The following ZNF37A variants were observed in gnomAD, a reference collection of about 807,000 sequenced individuals.
The protein encoded by ZNF37A is zinc finger protein 37a (KOX 21).
Under a neutral mutation model 12.3 loss-of-function variants are expected in ZNF37A, and 10 were observed. The ratio of observed to expected loss-of-function variants is 0.82; its 90% confidence interval spans 0.50 to 1.38. The LOEUF (loss-of-function observed/expected upper bound fraction) is 1.38. Among genes scored for constraint, ZNF37A ranks in the 40% most tolerant of loss-of-function variants. The pLI, the probability that ZNF37A is intolerant of heterozygous loss-of-function variation, is 0.00. For synonymous variants in ZNF37A, 207 were observed against 223.0 expected (o/e 0.93, Z 0.64); for missense variants, 580 against 651.2 (o/e 0.89, Z 1.19).
chr10:38,096,240 T>C (rs571443212), intron 4 of ZNF37A, among the ~76,000 whole-genome samples: 1 of 152,302 alleles, frequency 6.6e-6, no homozygotes, highest in Middle Eastern at 3.4e-3. Context: ...TTGTTGGGAT[T>C]CTCTGGTTTG....
rs1381487014 is a variant in ZNF37A, at chr10:38,122,127, T to A, written c.*3290T>A. Reference sequence around the variant, plus strand: ...GGCATGCACCTGTAGTCCGAGGTACTCAGGAGGCAGAGACGTGGGAGGATC... The same window carrying A: ...GGCATGCACCTGTAGTCCGAGGTACACAGGAGGCAGAGACGTGGGAGGATC... On this transcript the variant is annotated 3_prime_UTR_variant, in exon 8 of 8. Coordinates refer to ENST00000685332, the MANE Select transcript of ZNF37A (RefSeq NM_001324250.3). 1 of 152,202 alleles carries A rather than the reference T, an allele frequency of 6.6e-6. No individual in the cohort carries two copies. The highest frequency in any genetic ancestry group is 1.9e-4 in the East Asian group (1 of 5,178). The allele number at this position is 152,202 out of a possible 1,614,324, so 9.4% of individuals were successfully genotyped here. A position where few individuals can be genotyped will look rare whatever the true frequency, so the allele number is the denominator to read the frequency against.
chr10:38,097,066 G>A (rs74696929), intron 5 of ZNF37A, among the ~76,000 whole-genome samples: 1 of 152,144 alleles, frequency 6.6e-6, no homozygotes, highest in South Asian at 2.1e-4. Context: ...TTGATGAAGA[G>A]TAAAACAAAA....
intron 7 of ZNF37A, among the ~76,000 whole-genome samples, chr10:38,135,168 T>C (rs575146836): frequency 6.6e-6 from 1 of 152,286 alleles, no homozygotes; most frequent in East Asian, 1.9e-4. Context: ...AGGTGGATCA[T>C]GAGATCAAGA....
At chr10:38,106,995 A>T (rs1317274503) in intron 5 of ZNF37A, among the ~76,000 whole-genome samples, 1 of 152,194 alleles carries the variant, frequency 6.6e-6, no homozygotes, top group Non-Finnish European at 1.5e-5. Context: ...AATTCAGGAA[A>T]TACAGATAAC....
chr10:38,113,811 T>C (rs537852272), intron 5 of ZNF37A, among the ~76,000 whole-genome samples: 1 of 152,330 alleles, frequency 6.6e-6, no homozygotes, highest in South Asian at 2.1e-4. Flanking sequence ...GATTCAGGTG[T>C]GTATTTCCAG....
exon 8 of ZNF37A, chr10:38,147,412 A>C (rs916121838): frequency 2.0e-5 from 3 of 152,228 alleles, no homozygotes; most frequent in African/African-American, 7.2e-5. Flanking sequence ...GTGGGACTGC[A>C]TTGGACCACC....
intron 5 of ZNF37A, among the ~76,000 whole-genome samples, chr10:38,110,053 G>A (rs1043272964): frequency 1.3e-5 from 2 of 152,166 alleles, no homozygotes; most frequent in Admixed American, 6.5e-5. Context: ...TAAGCCAAAA[G>A]AACAAAGCTG....
chr10:38,110,875 C>T (rs558436992), intron 5 of ZNF37A, among the ~76,000 whole-genome samples: 41 of 152,138 alleles, frequency 2.7e-4, no homozygotes, highest in Non-Finnish European at 5.1e-4. Flanking sequence ...TGATTTTATA[C>T]TGTTGGTGGG....
intron 7 of ZNF37A, among the ~76,000 whole-genome samples, chr10:38,145,180 C>T (rs575378091): frequency 5.8e-4 from 88 of 150,696 alleles, no homozygotes; most frequent in African/African-American, 2.1e-3. Flanking sequence ...CCCCATTTTC[C>T]GAAACAAAAT....
intron 1 of ZNF37A, among the ~76,000 whole-genome samples, 192 bp downstream of exon 1, chr10:38,094,682 G>T (rs963961821): frequency 3.9e-5 from 6 of 152,246 alleles, no homozygotes; most frequent in African/African-American, 1.2e-4. Context: ...GGTGAAGGAT[G>T]CCCGGAGGCC....
At chr10:38,145,398 G>A (rs975016633) in intron 7 of ZNF37A, among the ~76,000 whole-genome samples, 2 of 152,244 alleles carry the variant, frequency 1.3e-5, no homozygotes, top group South Asian at 2.1e-4. Flanking sequence ...TGAGTGCTCC[G>A]AGAGTAATTT....
rs1173308633 is a variant in ZNF37A at position 38,112,748 on chromosome 10, T to TGG, written c.16-2007_16-2006insGG. Among the ~76,000 whole-genome samples the TGG allele has an allele frequency of 3.5e-3, 259 of 73,128 alleles. 53 individuals carry two copies. The highest frequency in any genetic ancestry group is 0.013 in the Middle Eastern group (2 of 150). 48.0% of individuals were successfully genotyped at this position (73,128 alleles called of 152,430 possible). A position where few individuals can be genotyped will look rare whatever the true frequency, so the allele number is the denominator to read the frequency against. On this transcript the variant is annotated intron_variant, in intron 5 of 7. Transcript: ENST00000685332. ...TACATCCATTTTCTTTTCTTTTCTT[T>TGG]TCTTTTCTTTTCTTTTCTTTTCTTT...
chr10:38,117,726 A>C lies in ZNF37A; in HGVS notation c.575A>C (p.Gln192Pro). Residue 192 changes from glutamine (Q) to proline (P), a missense_variant, in exon 8 of 8, where the codon CAG becomes CCG. Gln to Pro is a moderately conservative substitution (Grantham distance 76, BLOSUM62 -1). Transcript: ENST00000685332. ...GATATGTCATTTTTCATCACTCATC[A>C]GCAAACACATCCAAGAGAAAACCAC... ...TCDMSFFITH[Q>P]QTHPRENHYG... 6.2e-7 allele frequency: 1 copy of C among 1,613,990 alleles called. No homozygotes were observed. The highest frequency in any genetic ancestry group is 8.5e-7 in the Non-Finnish European group (1 of 1,179,986).
chr10:38,130,878 C>T (rs945259101), intron 7 of ZNF37A, among the ~76,000 whole-genome samples: 6 of 152,076 alleles, frequency 3.9e-5, no homozygotes, highest in Non-Finnish European at 7.4e-5. Flanking sequence ...TTCCATTTTT[C>T]GTTAGCATAC....
Position 38,121,496 on chromosome 10 carries a change from G to C in ZNF37A, c.*2659G>C, listed in dbSNP as rs553909402. 1.3e-5 allele frequency: 2 copies of C among 152,554 alleles called. No homozygotes were observed. The highest frequency in any genetic ancestry group is 3.9e-4 in the East Asian group (2 of 5,184). 9.5% of individuals were successfully genotyped at this position (152,554 alleles called of 1,614,324 possible). A position where few individuals can be genotyped will look rare whatever the true frequency, so the allele number is the denominator to read the frequency against. ...GTGGGATGAGAGGAGTTGTGGCTTTGTGTCTGCTGGCACCAAGAGGGCTGA... is the reference window on the plus strand; with the variant it reads ...GTGGGATGAGAGGAGTTGTGGCTTTCTGTCTGCTGGCACCAAGAGGGCTGA... On this transcript the variant is annotated 3_prime_UTR_variant, in exon 8 of 8. Coordinates refer to ENST00000685332, the MANE Select transcript of ZNF37A (RefSeq NM_001324250.3).
At chr10:38,129,770 T>G (rs2069994110), downstream of ZNF37A, among the ~76,000 whole-genome samples, 1 of 152,222 alleles carries the variant, frequency 6.6e-6, no homozygotes. Context: ...CAAAAACCCC[T>G]TATCCCAACT....
rs1564932154 is a variant in ZNF37A at position 38,112,766 on chromosome 10, T to TC, written c.16-1989_16-1988insC. Among the ~76,000 whole-genome samples the TC allele has an allele frequency of 5.0e-4, 29 of 58,030 alleles. 3 individuals carry two copies. The highest frequency in any genetic ancestry group is 1.9e-3 in the African/African-American group (27 of 14,364). The allele number at this position is 58,030 out of a possible 152,430, so 38.1% of individuals were successfully genotyped here. ...TTTTCTTTTCTTTTCTTTTCTTTTC[T>TC]TTTCTTTTCTTTTCTTTTCTTTTCT... On this transcript the variant is annotated intron_variant, in intron 5 of 7. Coordinates refer to ENST00000685332, the MANE Select transcript of ZNF37A (RefSeq NM_001324250.3).
downstream of ZNF37A, among the ~76,000 whole-genome samples, chr10:38,129,310 A>AAAAAAAAAAAAAAAAAAAAAC (rs1380467528): frequency 6.8e-6 from 1 of 146,624 alleles, no homozygotes; most frequent in Non-Finnish European, 1.5e-5. Context: ...TGTCTAAAAA[A>AAAAAAAAAAAAAAAAAAAAAC]AAAAAAAAAA....
chr10:38,146,431 G>A (rs2070255601), intron 7 of ZNF37A, among the ~76,000 whole-genome samples: 1 of 152,280 alleles, frequency 6.6e-6, no homozygotes, highest in Non-Finnish European at 1.5e-5. Context: ...AATAGTTTAT[G>A]AGGCCATTGA....
Sources: gnomAD v4.1 joint callset for allele counts (sites outside exome capture counted in the v4.1 genomes callset) on GRCh38, gnomAD v4.1.1 for gene constraint, MANE v1.5 for transcripts, NCBI Gene and HGNC (gene_info 2026-07-23, HGNC 2026-07-21) for gene names.